PARD3B: variants seen among roughly 807,000 people sequenced by gnomAD.
PARD3B encodes par-3 family cell polarity regulator beta, also known as partitioning defective 3 homolog B.
In PARD3B, 103 loss-of-function variants were observed where a neutral mutation model predicts 130.2. The observed-to-expected ratio is 0.79, with a 90% confidence interval of 0.67 to 0.93. The LOEUF is 0.93. Among genes scored for constraint, PARD3B ranks in the 40% least tolerant of loss-of-function variants. The probability of loss-of-function intolerance (pLI) is 0.00; values close to 1 mark genes in which losing one functional copy is unlikely to be tolerated. For synonymous variants in PARD3B, 583 were observed against 553.2 expected, an observed-to-expected ratio of 1.05 and a Z score of -0.76; for missense variants, 1,609 against 1,499.2, an observed-to-expected ratio of 1.07 and a Z score of -1.21.
At chr2:205,235,631 T>C (rs573297712) in intron 15 of PARD3B, among the ~76,000 whole-genome samples, 2 of 152,290 alleles carry the variant, frequency 1.3e-5, no homozygotes, top group African/African-American at 4.8e-5. Flanking sequence ...GTGCGGCTAC[T>C]GTGCACAAAG....
At chr2:205,479,495 T>A (rs1264502327) in intron 20 of PARD3B, among the ~76,000 whole-genome samples, 1 of 152,200 alleles carries the variant, frequency 6.6e-6, no homozygotes, top group Non-Finnish European at 1.5e-5. Flanking sequence ...ATAATGTAAG[T>A]ACAAAGCACT....
chr2:205,445,089 G>T (rs1164718390), intron 20 of PARD3B, among the ~76,000 whole-genome samples: 1 of 152,154 alleles, frequency 6.6e-6, no homozygotes, highest in African/African-American at 2.4e-5. Flanking sequence ...GTATTTCAGA[G>T]CTAACAAGAG....
At chr2:205,475,513 G>A (rs919377537) in intron 20 of PARD3B, among the ~76,000 whole-genome samples, 2 of 152,088 alleles carry the variant, frequency 1.3e-5, no homozygotes, top group African/African-American at 4.8e-5. Flanking sequence ...AGCTTTTCTA[G>A]CCTATTGTTG....
At chr2:205,296,657 TTGTGTATGTGTGTGTG>T (rs2041803255) in intron 16 of PARD3B, among the ~76,000 whole-genome samples, 1 of 138,022 alleles carries the variant, frequency 7.2e-6, no homozygotes, top group Non-Finnish European at 1.5e-5. Flanking sequence ...TGGAGTGTGT[TTGTGTATGTGTGTGTG>T]TGTGTGTGTG....
intron 10 of PARD3B, among the ~76,000 whole-genome samples, chr2:205,148,403 T>A (rs1321641975): frequency 1.3e-5 from 2 of 152,198 alleles, no homozygotes; most frequent in Non-Finnish European, 2.9e-5. Context: ...GCCTCCCTGC[T>A]GTTGAAATGA....
intron 18 of PARD3B, among the ~76,000 whole-genome samples, chr2:205,382,706 C>A (rs1381016505): frequency 6.6e-6 from 1 of 151,970 alleles, no homozygotes; most frequent in Non-Finnish European, 1.5e-5. Context: ...CTTTCTCCCA[C>A]CACTAATGTC....
At chr2:205,220,597 G>C (rs77289434) in intron 15 of PARD3B, among the ~76,000 whole-genome samples, 3 of 152,144 alleles carry the variant, frequency 2.0e-5, no homozygotes, top group Non-Finnish European at 4.4e-5. Flanking sequence ...TCATGTCCAC[G>C]TGAAGCTTAT....
chr2:205,362,660 T>C (rs547037206), intron 18 of PARD3B, among the ~76,000 whole-genome samples: 49 of 152,350 alleles, frequency 3.2e-4, no homozygotes, highest in African/African-American at 1.2e-3. Flanking sequence ...TGCTTTCCAC[T>C]TGTCAAAGCA....
At chr2:204,707,523 A>G (rs2038226555) in intron 2 of PARD3B, among the ~76,000 whole-genome samples, 2 of 152,190 alleles carry the variant, frequency 1.3e-5, no homozygotes, top group Admixed American at 1.3e-4. Flanking sequence ...AGATATATCT[A>G]GTAGATGATG....
At chr2:205,574,237 A>C (rs923799978) in intron 22 of PARD3B, among the ~76,000 whole-genome samples, 3 of 152,208 alleles carry the variant, frequency 2.0e-5, no homozygotes, top group African/African-American at 7.2e-5. Context: ...TAAAATTAAA[A>C]GAGTCGAAAG....
At chr2:205,595,360 G>A (rs938128436) in intron 22 of PARD3B, among the ~76,000 whole-genome samples, 9 of 152,176 alleles carry the variant, frequency 5.9e-5, no homozygotes, top group African/African-American at 2.2e-4. Context: ...AAAACCAGCT[G>A]GCATGGGGCA....
intron 18 of PARD3B, among the ~76,000 whole-genome samples, chr2:205,343,768 C>T (rs1191314344): frequency 2.0e-5 from 3 of 151,500 alleles, no homozygotes; most frequent in South Asian, 2.1e-4. Context: ...CTGCCCCCTG[C>T]CTTCCTTACC....
chr2:205,605,600 A>G (rs2054962660), intron 22 of PARD3B, among the ~76,000 whole-genome samples: 1 of 152,174 alleles, frequency 6.6e-6, no homozygotes, highest in Admixed American at 6.5e-5. Flanking sequence ...ACCGAATAGC[A>G]AAGATGGCTG....
chr2:205,529,924 A>C (rs925178939), intron 21 of PARD3B, among the ~76,000 whole-genome samples: 6 of 152,142 alleles, frequency 3.9e-5, no homozygotes, highest in Admixed American at 3.9e-4. Context: ...TCTGGTGTGG[A>C]CTTAGAGCAA....
At chr2:205,036,651 T>C (rs936987957) in intron 3 of PARD3B, among the ~76,000 whole-genome samples, 46 of 145,912 alleles carry the variant, frequency 3.2e-4, no homozygotes, top group Non-Finnish European at 6.0e-4. Flanking sequence ...AAAGTATATA[T>C]ACACAGCGGA....
At chr2:204,949,593 A>G (rs896100169) in intron 2 of PARD3B, among the ~76,000 whole-genome samples, 1 of 152,140 alleles carries the variant, frequency 6.6e-6, no homozygotes, top group Non-Finnish European at 1.5e-5. Context: ...AAGTGCTGGG[A>G]TTACAAGCAT....
chr2:205,435,269 T>G (rs905148751), intron 19 of PARD3B, among the ~76,000 whole-genome samples: 3 of 152,032 alleles, frequency 2.0e-5, no homozygotes, highest in Non-Finnish European at 4.4e-5. Flanking sequence ...ACATACATCA[T>G]CTTCTTTTTA....
intron 13 of PARD3B, among the ~76,000 whole-genome samples, chr2:205,180,777 T>C (rs897391903): frequency 2.0e-5 from 3 of 152,164 alleles, no homozygotes; most frequent in Admixed American, 6.5e-5. Flanking sequence ...GAAATCGTAA[T>C]ACCAGAAAAT....
At chr2:204,788,362 A>G (rs1574984488) in intron 2 of PARD3B, among the ~76,000 whole-genome samples, 2 of 152,350 alleles carry the variant, frequency 1.3e-5, no homozygotes. Context: ...CCTTTGCAAA[A>G]GACAGAGGCA....
Sources: gnomAD v4.1 joint callset for allele counts (sites outside exome capture counted in the v4.1 genomes callset) on GRCh38, gnomAD v4.1.1 for gene constraint, MANE v1.5 for transcripts, NCBI Gene and HGNC (gene_info 2026-07-23, HGNC 2026-07-21) for gene names.